The following UBE3B variants were observed in gnomAD, a reference collection of about 807,000 sequenced individuals.
UBE3B encodes the protein ubiquitin-protein ligase E3B.
A neutral mutation model predicts 132.3 loss-of-function variants in UBE3B; 80 were observed. That is an observed-to-expected ratio of 0.60 (90% CI 0.50 to 0.73). The LOEUF is 0.73. Ranked by LOEUF, UBE3B falls within the 30% of genes least tolerant of loss-of-function variation. The pLI, the probability that UBE3B is intolerant of heterozygous loss-of-function variation, is 0.00. For missense variants in UBE3B, 1,196 were observed against 1,362.5 expected (o/e 0.88, Z 1.92); for synonymous variants, 487 against 520.4 (o/e 0.94, Z 0.87).
Position 109,485,924 on chromosome 12 carries a change from G to A in UBE3B, c.283-88G>A, listed in dbSNP as rs1372252103. On this transcript the variant is annotated intron_variant, in intron 4 of 27. Transcript: ENST00000342494. Reference sequence around the variant, plus strand: ...ATCACCTGGCATAATACCTGCACGTGCCAGGTACCCGCTGAAGGCTTGTTT... The same window carrying A: ...ATCACCTGGCATAATACCTGCACGTACCAGGTACCCGCTGAAGGCTTGTTT... The A allele has an allele frequency of 2.1e-6, 3 of 1,444,428 alleles. No homozygotes were observed. In the African/African-American group the frequency reaches 4.2e-5, roughly 20 times the overall value. The allele number at this position is 1,444,428 out of a possible 1,614,324, so 89.5% of individuals were successfully genotyped here. A position where few individuals can be genotyped will look rare whatever the true frequency, so the allele number is the denominator to read the frequency against.
At chr12:109,547,389 T>C in the UBE3B span, among the ~76,000 whole-genome samples, 1 of 152,246 alleles carries the variant, frequency 6.6e-6, no homozygotes, top group Non-Finnish European at 1.5e-5. The surrounding 1 kb of genome is among the most constrained non-coding windows in gnomAD (Gnocchi z 4.1). Flanking sequence ...GTGCCGGCCA[T>C]GCAGGCATCA....
At chr12:109,479,442 A>C (rs964139783) in intron 1 of UBE3B, among the ~76,000 whole-genome samples, 3 of 152,208 alleles carry the variant, frequency 2.0e-5, no homozygotes, top group African/African-American at 7.2e-5. Context: ...ATTTACACAT[A>C]AGGAAACTGA....
chr12:109,486,109 T>C, intron 5 of UBE3B, 38 bp downstream of exon 5: 1 of 1,551,910 alleles, frequency 6.4e-7, no homozygotes, highest in Non-Finnish European at 8.7e-7. Context: ...CCACAAGCTC[T>C]TAAGGGCCAA....
At chr12:109,497,143 G>A (rs1426850350) in intron 9 of UBE3B, among the ~76,000 whole-genome samples, 1 of 151,864 alleles carries the variant, frequency 6.6e-6, no homozygotes, top group East Asian at 1.9e-4. Flanking sequence ...CATGCTTATT[G>A]TAGAAAACCT....
chr12:109,496,017 A>G (rs1469929744), intron 9 of UBE3B, among the ~76,000 whole-genome samples: 1 of 152,224 alleles, frequency 6.6e-6, no homozygotes, highest in Non-Finnish European at 1.5e-5. Context: ...CTAATTCCAT[A>G]ATATTTTATC....
At chr12:109,493,759 G>A (rs952635391) in intron 9 of UBE3B, among the ~76,000 whole-genome samples, 2 of 152,134 alleles carry the variant, frequency 1.3e-5, no homozygotes, top group African/African-American at 4.8e-5. Context: ...TAACATTCAT[G>A]GGCCACACAT....
At chr12:109,490,793 C>G (rs1022345328) in intron 8 of UBE3B, 4 of 1,342,298 alleles carry the variant, frequency 3.0e-6, no homozygotes, top group Admixed American at 6.3e-5. Flanking sequence ...TATAAAAACA[C>G]TGCATACGGT....
chr12:109,509,480 T>C, intron 15 of UBE3B, 116 bp from the exon 16 acceptor site: 1 of 634,850 alleles, frequency 1.6e-6, no homozygotes, highest in Non-Finnish European at 2.7e-6. Context: ...AGTAAGTATC[T>C]CTACAAGATA....
rs373033803 is a variant in UBE3B at position 109,485,044 on chromosome 12, A to G, written c.283-968A>G. Among the ~76,000 whole-genome samples, 10 of 152,342 alleles carry G rather than the reference A, an allele frequency of 6.6e-5. No individual in the cohort carries two copies. The South Asian group carries it at 1.4e-3, about 22-fold the overall frequency. ...AGTGCTGGGATTACAGGCGTGAGCT[A>G]CCATCAATGTTCTAATTTGTAAATC... On this transcript the variant is annotated intron_variant, in intron 4 of 27. Coordinates refer to ENST00000342494, the MANE Select transcript of UBE3B (RefSeq NM_130466.4).
At chr12:109,531,108 G>A (rs2241205) in intron 26 of UBE3B, among the ~76,000 whole-genome samples, 51,124 of 152,010 alleles carry the variant, frequency 0.34, 9,861 homozygotes, top group African/African-American at 0.54. Flanking sequence ...ACCAGGGACT[G>A]TCTCTCTATA....
rs551131764 is a variant in UBE3B, at chr12:109,521,610, C to T, written c.2364+59C>T. The T allele has an allele frequency of 1.8e-4, 263 of 1,435,708 alleles. 1 individual carries two copies. The South Asian group carries it at 3.4e-3, about 19-fold the overall frequency. The allele number at this position is 1,435,708 out of a possible 1,614,324, so 88.9% of individuals were successfully genotyped here. On this transcript the variant is annotated intron_variant, in intron 21 of 27. Transcript: ENST00000342494. The surrounding 1 kb of genome is among the most constrained non-coding windows in gnomAD (Gnocchi z 4.2). Reference sequence around the variant, plus strand: ...AAAATGTTAACGGTACCATGGGCTTCTTCACATACACATATGTGATCAGGC... The same window carrying T: ...AAAATGTTAACGGTACCATGGGCTTTTTCACATACACATATGTGATCAGGC...
intron 22 of UBE3B, 118 bp downstream of exon 22, chr12:109,524,233 C>T: frequency 1.4e-6 from 2 of 1,434,598 alleles, no homozygotes; most frequent in Non-Finnish European, 1.9e-6. Context: ...TGCTACAGGC[C>T]CCTCACATCC....
chr12:109,534,596 C>T lies in UBE3B; in HGVS notation c.3021C>T (p.Thr1007=), dbSNP rs1053261554. 1.4e-5 allele frequency: 22 copies of T among 1,608,742 alleles called. No individual in the cohort carries two copies. Among genetic ancestry groups the T allele is most frequent in the Middle Eastern group, 1.7e-4 (1 of 6,056 alleles). The change falls in exon 28 of 28, where the codon ACC becomes ACT. Residue 1007 remains threonine, a synonymous_variant. Coordinates refer to ENST00000342494, the MANE Select transcript of UBE3B (RefSeq NM_130466.4). The surrounding 1 kb of genome is among the most constrained non-coding windows in gnomAD (Gnocchi z 5.2). ...RCVEVSDDQD[T]GDTLGSVLRG... ...GCCACGATGTGTGCCTTCAGGACAC[C>T]GGGGACACTCTGGGCAGCGTCCTCC...
rs1226179613 is a variant in UBE3B, at chr12:109,535,080, T to C, written c.*298T>C. The C allele has an allele frequency of 7.1e-6, 2 of 282,390 alleles. No individual in the cohort carries two copies. The highest frequency in any genetic ancestry group is 4.4e-5 in the African/African-American group (2 of 45,940). The allele number at this position is 282,390 out of a possible 1,614,324, so 17.5% of individuals were successfully genotyped here. A position where few individuals can be genotyped will look rare whatever the true frequency, so the allele number is the denominator to read the frequency against. ...GGGCTTCTTTTAGCTAGTTTGATCT[T>C]TTGGGAGTCTGTCTTTCCTTAGCCG... On this transcript the variant is annotated 3_prime_UTR_variant, in exon 28 of 28. Transcript: ENST00000342494.
intron 23 of UBE3B, among the ~76,000 whole-genome samples, chr12:109,525,584 C>T (rs991109903): frequency 2.0e-5 from 3 of 152,178 alleles, no homozygotes; most frequent in Non-Finnish European, 2.9e-5. Context: ...TTAAAATTGG[C>T]TTCAAATGAT....
intron 6 of UBE3B, among the ~76,000 whole-genome samples, chr12:109,488,180 C>G (rs915362370): frequency 6.6e-6 from 1 of 152,200 alleles, no homozygotes; most frequent in African/African-American, 2.4e-5. Context: ...GCTCACACAG[C>G]TAGTAAGTGG....
At position 109,516,780 on chromosome 12, in the gene UBE3B, C is replaced by G; in HGVS notation, c.1972C>G (p.Arg658Gly). The change falls in exon 19 of 28, where the codon CGA becomes GGA. Residue 658 changes from arginine to glycine, a missense_variant. Coordinates refer to ENST00000342494, the MANE Select transcript of UBE3B (RefSeq NM_130466.4). ...TTCATTTTAGAGAGTTCTACTGTTT[C>G]GAACCATGGTTACCAAGGAGAAGGA... ...IPHKNRVLLF[R>G]TMVTKEKEKL... 1 of 1,613,950 alleles carries G rather than the reference C, an allele frequency of 6.2e-7. No homozygotes were observed. Among genetic ancestry groups the G allele is most frequent in the Non-Finnish European group, 8.5e-7 (1 of 1,179,972 alleles).
Position 109,534,806 on chromosome 12 carries a change from G to A in UBE3B, c.*24G>A. On this transcript the variant is annotated 3_prime_UTR_variant, in exon 28 of 28. Coordinates refer to ENST00000342494, the MANE Select transcript of UBE3B (RefSeq NM_130466.4). The surrounding 1 kb of genome is among the most constrained non-coding windows in gnomAD (Gnocchi z 5.2). ...AGCTCCTGTCCCAGCCCTGCCTCCA[G>A]GGCTCCTGGGCTGCCAGGGACCTTC... is the stretch of plus-strand genomic sequence containing the variant. 1 of 1,480,314 alleles carries A rather than the reference G, an allele frequency of 6.8e-7. No homozygotes were observed. Among genetic ancestry groups the A allele is most frequent in the South Asian group, 1.4e-5 (1 of 71,974 alleles). 91.7% of individuals were successfully genotyped at this position (1,480,314 alleles called of 1,614,324 possible).
At chr12:109,488,450 G>A in intron 6 of UBE3B, 122 bp from the exon 7 acceptor site, 2 of 881,952 alleles carry the variant, frequency 2.3e-6, no homozygotes, top group Admixed American at 2.0e-5. Context: ...AATTAAGACT[G>A]ACTTATAATC....
Sources: allele counts gnomAD v4.1 joint callset (sites outside exome capture counted in the v4.1 genomes callset), GRCh38; gene constraint gnomAD v4.1.1; non-coding constraint Gnocchi (gnomAD v3.1); transcripts MANE v1.5; gene names NCBI Gene and HGNC (gene_info 2026-07-23, HGNC 2026-07-21).